Variants in CNTNAP5 observed in about 807,000 individuals in gnomAD.
CNTNAP5 encodes the protein contactin-associated protein-like 5.
Under a neutral mutation model 150.2 loss-of-function variants are expected in CNTNAP5, and 72 were observed. That is an observed-to-expected ratio of 0.48 (90% CI 0.40 to 0.58). The LOEUF is 0.58. Among genes scored for constraint, CNTNAP5 ranks in the 20% least tolerant of loss-of-function variants. CNTNAP5 has a pLI of 0.00. For missense variants in CNTNAP5, 1,636 were observed against 1,626.2 expected (o/e 1.01, Z -0.10); for synonymous variants, 672 against 619.8 (o/e 1.08, Z -1.25).
chr2:124,102,565 C>T (rs1349449478), intron 1 of CNTNAP5, among the ~76,000 whole-genome samples: 3 of 152,140 alleles, frequency 2.0e-5, no homozygotes, highest in African/African-American at 7.2e-5. Context: ...GTCACAGAGG[C>T]GGACCTGGAA....
intron 10 of CNTNAP5, 89 bp from the exon 11 acceptor site, chr2:124,563,124 AATTG>A: frequency 2.7e-6 from 2 of 733,422 alleles, no homozygotes; most frequent in Non-Finnish European, 4.8e-6. Context: ...ATCTACTATT[AATTG>A]AGGCAGTTGG....
Position 124,475,174 on chromosome 2 carries a change from A to G in CNTNAP5, c.1062+292A>G, listed in dbSNP as rs1292791603. Among the ~76,000 whole-genome samples, 5 of 151,998 alleles carry G rather than the reference A, an allele frequency of 3.3e-5. No individual in the cohort carries two copies. The East Asian group carries it at 9.6e-4, about 29-fold the overall frequency. ...TATTTGCAGTCTATATTGGGACAAC[A>G]TGAATTTTTTATTATCTCTGGAATA... On this transcript the variant is annotated intron_variant, in intron 7 of 23. Coordinates refer to ENST00000682447, the MANE Select transcript of CNTNAP5 (RefSeq NM_001367498.1).
At chr2:124,617,539 G>A (rs1041636597) in intron 12 of CNTNAP5, among the ~76,000 whole-genome samples, 2 of 152,062 alleles carry the variant, frequency 1.3e-5, no homozygotes, top group African/African-American at 4.8e-5. Context: ...ATGTGCCTGT[G>A]TGTCCATTTC....
At chr2:124,660,373 C>T (rs1678561387) in intron 13 of CNTNAP5, among the ~76,000 whole-genome samples, 1 of 152,112 alleles carries the variant, frequency 6.6e-6, no homozygotes, top group African/African-American at 2.4e-5. Context: ...AGCACTAGTA[C>T]AGGCTGGTGA....
intron 12 of CNTNAP5, among the ~76,000 whole-genome samples, chr2:124,614,667 A>G (rs1677457010): frequency 6.6e-6 from 1 of 152,168 alleles, no homozygotes; most frequent in African/African-American, 2.4e-5. Context: ...TTATTAGTGT[A>G]TAATGAGCAG....
intron 1 of CNTNAP5, among the ~76,000 whole-genome samples, chr2:124,086,364 C>T (rs1268790778): frequency 7.9e-5 from 12 of 151,216 alleles, no homozygotes; most frequent in Admixed American, 4.6e-4. Flanking sequence ...CCACCACGCC[C>T]GGCTAATTTC....
chr2:124,830,930 T>G (rs537774450), intron 19 of CNTNAP5, among the ~76,000 whole-genome samples: 1 of 152,162 alleles, frequency 6.6e-6, no homozygotes, highest in East Asian at 1.9e-4. Flanking sequence ...GTTAAACTTT[T>G]GAGACATAAA....
At chr2:124,113,445 C>G (rs1039469077) in intron 1 of CNTNAP5, among the ~76,000 whole-genome samples, 1 of 151,650 alleles carries the variant, frequency 6.6e-6, no homozygotes, top group African/African-American at 2.4e-5. Flanking sequence ...TCAAGTCTTT[C>G]GCCCACTTTT....
At chr2:124,341,317 T>C (rs1453555528) in intron 3 of CNTNAP5, among the ~76,000 whole-genome samples, 1 of 152,144 alleles carries the variant, frequency 6.6e-6, no homozygotes. Flanking sequence ...TCATTGGTTC[T>C]GAAGCTGCTA....
chr2:124,323,908 A>G (rs1343230946), intron 3 of CNTNAP5, among the ~76,000 whole-genome samples: 1 of 152,074 alleles, frequency 6.6e-6, no homozygotes, highest in Non-Finnish European at 1.5e-5. Context: ...GAAAGGAGAA[A>G]TAGAGAAAGA....
chr2:124,107,640 G>A (rs1037414915), intron 1 of CNTNAP5, among the ~76,000 whole-genome samples: 2 of 152,216 alleles, frequency 1.3e-5, no homozygotes, highest in African/African-American at 2.4e-5. Flanking sequence ...TTCCTCTGGT[G>A]ACTGTATCAA....
chr2:124,891,830 A>G (rs747857530), intron 21 of CNTNAP5, among the ~76,000 whole-genome samples: 15 of 152,148 alleles, frequency 9.9e-5, no homozygotes, highest in Non-Finnish European at 2.1e-4. Context: ...GAAACAGTAC[A>G]TTTCCTAGCC....
intron 1 of CNTNAP5, among the ~76,000 whole-genome samples, chr2:124,199,952 G>T (rs1685679972): frequency 6.6e-6 from 1 of 152,106 alleles, no homozygotes; most frequent in Non-Finnish European, 1.5e-5. Flanking sequence ...CCAATCAACA[G>T]AAATTTTCTT....
intron 20 of CNTNAP5, among the ~76,000 whole-genome samples, chr2:124,865,881 T>C (rs907299103): frequency 3.3e-5 from 5 of 149,566 alleles, no homozygotes; most frequent in Non-Finnish European, 7.4e-5. Context: ...AAGGCAGAGG[T>C]TGCAGTGAGC....
intron 19 of CNTNAP5, among the ~76,000 whole-genome samples, chr2:124,834,790 A>AAT (rs1682794321): frequency 4.6e-5 from 3 of 65,080 alleles, no homozygotes; most frequent in Non-Finnish European, 1.2e-4. Context: ...AATATTTCAC[A>AAT]GTATATATAT....
intron 19 of CNTNAP5, among the ~76,000 whole-genome samples, chr2:124,818,111 T>G (rs986768121): frequency 1.5e-4 from 23 of 152,274 alleles, no homozygotes; most frequent in African/African-American, 5.5e-4. Context: ...ATATATGACA[T>G]GGAAGCTGAG....
At chr2:124,705,165 CAT>C (rs1207827056) in intron 13 of CNTNAP5, among the ~76,000 whole-genome samples, 1 of 152,146 alleles carries the variant, frequency 6.6e-6, no homozygotes, top group Non-Finnish European at 1.5e-5. Context: ...TGTACAAGCA[CAT>C]GTGTCTGTGT....
chr2:124,708,664 A>C (rs2105100817), intron 13 of CNTNAP5, among the ~76,000 whole-genome samples: 1 of 152,298 alleles, frequency 6.6e-6, no homozygotes, highest in African/African-American at 2.4e-5. Flanking sequence ...GGAATTCCAG[A>C]GTAAGGATGC....
At chr2:124,507,582 G>A (rs1219911891) in intron 8 of CNTNAP5, among the ~76,000 whole-genome samples, 5 of 152,172 alleles carry the variant, frequency 3.3e-5, no homozygotes, top group African/African-American at 7.2e-5. Flanking sequence ...TAAAATGTAG[G>A]TGAAGCCATA....
Sources: gnomAD v4.1 joint callset for allele counts (sites outside exome capture counted in the v4.1 genomes callset) on GRCh38, gnomAD v4.1.1 for gene constraint, MANE v1.5 for transcripts, NCBI Gene and HGNC (gene_info 2026-07-23, HGNC 2026-07-21) for gene names.